The following MFHAS1 variants were observed in gnomAD, a reference collection of about 807,000 sequenced individuals.
The protein encoded by MFHAS1 is malignant fibrous histiocytoma-amplified sequence 1.
MFHAS1 carries 50 observed loss-of-function variants against 70.4 expected under a neutral mutation model. The ratio of observed to expected loss-of-function variants is 0.71; its 90% CI spans 0.57 to 0.90. The LOEUF (loss-of-function observed/expected upper bound fraction) is 0.90, where lower values mean the gene tolerates loss of function less well. MFHAS1 is among the 40% of genes least tolerant of loss of function. The pLI, the probability that MFHAS1 is intolerant of heterozygous loss-of-function variation, is 0.00. For synonymous variants in MFHAS1, 952 were observed against 620.0 expected (o/e 1.54, Z -7.96); for missense variants, 1,795 against 1,347.6 (o/e 1.33, Z -5.20).
intron 1 of MFHAS1, among the ~76,000 whole-genome samples, chr8:8,808,386 T>G (rs1303485676): frequency 6.6e-6 from 1 of 152,158 alleles, no homozygotes; most frequent in East Asian, 1.9e-4. Flanking sequence ...AGGCACTTTC[T>G]CGGTTATCAG....
chr8:8,841,933 A>C (rs1248225526), intron 1 of MFHAS1, among the ~76,000 whole-genome samples: 2 of 152,208 alleles, frequency 1.3e-5, no homozygotes, highest in African/African-American at 4.8e-5. Context: ...TGTGTTCTGC[A>C]TTAGCTCCAG....
chr8:8,830,054 C>T (rs966442584), intron 1 of MFHAS1, among the ~76,000 whole-genome samples: 12 of 152,174 alleles, frequency 7.9e-5, no homozygotes, highest in Non-Finnish European at 1.6e-4. Context: ...GAGGTCGAAG[C>T]TGCTAGTCCA....
chr8:8,845,208 CA>C (rs1484547951), intron 1 of MFHAS1, among the ~76,000 whole-genome samples: 3 of 152,178 alleles, frequency 2.0e-5, no homozygotes, highest in African/African-American at 7.2e-5. Context: ...CAGATTTAAT[CA>C]GCTGAACAAA....
intron 1 of MFHAS1, among the ~76,000 whole-genome samples, chr8:8,868,918 T>C (rs1191402774): frequency 6.6e-6 from 1 of 152,230 alleles, no homozygotes; most frequent in Non-Finnish European, 1.5e-5. Flanking sequence ...GTTTTACATT[T>C]CTTAATCCTC....
chr8:8,857,277 T>A (rs1808479761), intron 1 of MFHAS1, among the ~76,000 whole-genome samples: 1 of 152,204 alleles, frequency 6.6e-6, no homozygotes, highest in South Asian at 2.1e-4. Flanking sequence ...CTTTCAGTGG[T>A]TAACCAACAC....
chr8:8,882,473 G>A lies in MFHAS1; in HGVS notation c.2998+7588C>T, dbSNP rs566487495. On this transcript the variant is annotated intron_variant, in intron 1 of 2. Coordinates refer to ENST00000276282, the MANE Select transcript of MFHAS1 (RefSeq NM_004225.3). ...GGCATCAATTAAGAAATAGCCGTGC[G>A]TGGTGGCACACGCCTGTAATCCCAG... Among the ~76,000 whole-genome samples the A allele has an allele frequency of 6.6e-5, 10 of 152,200 alleles. No homozygotes were observed. In the East Asian group the frequency reaches 1.5e-3, roughly 24 times the overall value.
At position 8,891,763 on chromosome 8, in the gene MFHAS1, C is replaced by G; in HGVS notation, c.1296G>C (p.Glu432Asp). Residue 432 changes from glutamate (E) to aspartate (D), a missense_variant, in exon 1 of 3, where the codon GAG (glutamate) becomes GAC (aspartate). Coordinates refer to ENST00000276282, the MANE Select transcript of MFHAS1 (RefSeq NM_004225.3). This position sits in a 1 kb window ranked among gnomAD's most constrained non-coding sequence, Gnocchi z 5.4. Reference sequence around the variant, plus strand: ...CTCCTCCTGGGCATCCCTCCACTCTCTCCTCGGTGAGGCAGTGGCGCAGCA... The same window carrying G: ...CTCCTCCTGGGCATCCCTCCACTCTGTCCTCGGTGAGGCAGTGGCGCAGCA... ...KTLLRHCLTE[E>D]RVEGCPGGGD... 6.2e-7 allele frequency: 1 copy of G among 1,613,452 alleles called. No homozygotes were observed. Among genetic ancestry groups the G allele is most frequent in the Non-Finnish European group, 8.5e-7 (1 of 1,180,042 alleles).
rs1809978455 is a variant in MFHAS1 at position 8,890,789 on chromosome 8, C to G, written c.2270G>C (p.Ser757Thr). 7 of 1,614,180 alleles carry G rather than the reference C, an allele frequency of 4.3e-6. No individual in the cohort carries two copies. The highest frequency in any genetic ancestry group is 5.9e-6 in the Non-Finnish European group (7 of 1,180,020). ...LLLHKLLLGT[S>T]GEGKAEGESS... ...TTCCCCCTCCGCCTTGCCCTCTCCA[C>G]TGGTCCCTAGGAGCAGCTTATGCAG... Residue 757 changes from serine to threonine, a missense_variant, in exon 1 of 3, where the codon AGT becomes ACT. Coordinates refer to ENST00000276282, the MANE Select transcript of MFHAS1 (RefSeq NM_004225.3).
At chr8:8,880,038 G>A (rs1000001909) in intron 1 of MFHAS1, among the ~76,000 whole-genome samples, 1 of 152,156 alleles carries the variant, frequency 6.6e-6, no homozygotes, top group African/African-American at 2.4e-5. Flanking sequence ...TCTTTACGGA[G>A]CTCGTGTATG....
Position 8,890,630 on chromosome 8 carries a change from T to G in MFHAS1, c.2429A>C (p.His810Pro), listed in dbSNP as rs1293846303. ...CTGCAAGTCCTGCTGGGCCTGGACA[T>G]GAGGCTTAAGCAGCAACCGAATGAC... ...AHVIRLLLKPHVQAQQDLQLL... is the reference protein window; with the variant it reads ...AHVIRLLLKPPVQAQQDLQLL... Residue 810 changes from histidine to proline, a missense_variant, in exon 1 of 3, where the codon CAT becomes CCT. Physicochemically the swap from His to Pro is moderately conservative, Grantham distance 77. Coordinates refer to ENST00000276282, the MANE Select transcript of MFHAS1 (RefSeq NM_004225.3). The G allele has an allele frequency of 6.2e-7, 1 of 1,613,788 alleles. No homozygotes were observed. Among genetic ancestry groups the G allele is most frequent in the East Asian group, 2.2e-5 (1 of 44,882 alleles).
chr8:8,861,069 G>A (rs1808641896), intron 1 of MFHAS1, among the ~76,000 whole-genome samples: 1 of 152,136 alleles, frequency 6.6e-6, no homozygotes, highest in Non-Finnish European at 1.5e-5. Context: ...CGTTTCTTGG[G>A]CTGAGGTAAT....
intron 1 of MFHAS1, among the ~76,000 whole-genome samples, chr8:8,887,878 AC>A (rs1221469959): frequency 6.7e-6 from 1 of 148,176 alleles, no homozygotes; most frequent in Non-Finnish European, 1.5e-5. Flanking sequence ...AAAAAAAAAA[AC>A]CTCCAGCCTC....
Position 8,839,083 on chromosome 8 carries a change from G to T in MFHAS1, c.2999-41592C>A, listed in dbSNP as rs769621054. On this transcript the variant is annotated intron_variant, in intron 1 of 2. Transcript: ENST00000276282. The stretch of plus-strand genomic sequence containing the variant: ...GACAAACTAGACCACTAAAATTTAT[G>T]AGAACAATAAACCCATTTCCTGCAG... Among the ~76,000 whole-genome samples, 3 of 151,944 alleles carry T rather than the reference G, an allele frequency of 2.0e-5. No homozygotes were observed. In the South Asian group the frequency reaches 6.2e-4, roughly 31 times the overall value.
In MFHAS1 at chr8:8,892,129, C is replaced by A. The variant is rs1233626464; in HGVS notation, c.930G>T (p.Ser310=). ...CCAGGCCCGAGATAAGGGATGGCACCGAGGTGAGCTGGTTGCGACTAAGGT... is the reference window on the plus strand; with the variant it reads ...CCAGGCCCGAGATAAGGGATGGCACAGAGGTGAGCTGGTTGCGACTAAGGT... ...ELYLSRNQLT[S]VPSLISGLGR... Residue 310 remains serine (S), a synonymous_variant, in exon 1 of 3, where the codon TCG becomes TCT. Coordinates refer to ENST00000276282, the MANE Select transcript of MFHAS1 (RefSeq NM_004225.3). This position sits in a 1 kb window ranked among gnomAD's most constrained non-coding sequence, Gnocchi z 4.7. 5 of 1,612,458 alleles carry A rather than the reference C, an allele frequency of 3.1e-6. No individual in the cohort carries two copies. The highest frequency in any genetic ancestry group is 1.1e-5 in the South Asian group (1 of 91,090).
At chr8:8,802,929 GCAAGAGACTTACC>G (rs1024110399) in intron 1 of MFHAS1, among the ~76,000 whole-genome samples, 2 of 152,214 alleles carry the variant, frequency 1.3e-5, no homozygotes, top group Non-Finnish European at 2.9e-5. Flanking sequence ...TGCTGAACTT[GCAAGAGACTTACC>G]CAAGGTATGC....
In MFHAS1 at chr8:8,891,982, G is replaced by C. The variant is rs1301605363; in HGVS notation, c.1077C>G (p.Asp359Glu). The change falls in exon 1 of 3, where the codon GAC (aspartate) becomes GAG (glutamate). Residue 359 changes from aspartate (D) to glutamate (E), a missense_variant. Coordinates refer to ENST00000276282, the MANE Select transcript of MFHAS1 (RefSeq NM_004225.3). This position sits in a 1 kb window ranked among gnomAD's most constrained non-coding sequence, Gnocchi z 5.4. ...CCACCCGGGAGAGCTGGCCAAAGTG[G>C]TCGGGCAGCACCGCGATCTGGTTCC... ...LQGNQIAVLP[D>E]HFGQLSRVGL... 2 of 1,613,200 alleles carry C rather than the reference G, an allele frequency of 1.2e-6. No homozygotes were observed. Among genetic ancestry groups the C allele is most frequent in the Non-Finnish European group, 1.7e-6 (2 of 1,179,768 alleles).
intron 2 of MFHAS1, among the ~76,000 whole-genome samples, chr8:8,791,452 T>C (rs991242081): frequency 4.6e-5 from 7 of 152,220 alleles, no homozygotes; most frequent in African/African-American, 1.7e-4. Context: ...AACTGGGTTA[T>C]CTGGCAGGTT....
At chr8:8,830,839 C>T (rs375523862) in intron 1 of MFHAS1, among the ~76,000 whole-genome samples, 8 of 152,148 alleles carry the variant, frequency 5.3e-5, no homozygotes, top group Non-Finnish European at 1.0e-4. Context: ...TCAGGTGATC[C>T]GCCCACCTCG....
chr8:8,880,402 T>G (rs1481457000), intron 1 of MFHAS1, among the ~76,000 whole-genome samples: 1 of 152,158 alleles, frequency 6.6e-6, no homozygotes, highest in African/African-American at 2.4e-5. Flanking sequence ...TTTCATATTA[T>G]GTGACTTTCA....
Sources: allele counts gnomAD v4.1 joint callset (sites outside exome capture counted in the v4.1 genomes callset), GRCh38; gene constraint gnomAD v4.1.1; non-coding constraint Gnocchi (gnomAD v3.1); transcripts MANE v1.5; gene names NCBI Gene and HGNC (gene_info 2026-07-23, HGNC 2026-07-21).